YWHAB: variants seen among roughly 807,000 people sequenced by gnomAD.
YWHAB encodes 14-3-3 protein beta/alpha.
Under a neutral mutation model 28.5 loss-of-function variants are expected in YWHAB, and 2 were observed. That is an observed-to-expected ratio of 0.07 (90% confidence interval 0.03 to 0.22). YWHAB has a LOEUF of 0.22. Among genes scored for constraint, YWHAB ranks in the 10% least tolerant of loss-of-function variants. The pLI is 1.00. For synonymous variants in YWHAB, 103 were observed against 104.7 expected, an observed-to-expected ratio of 0.98 and a Z score of 0.10; for missense variants, 148 against 297.1, an observed-to-expected ratio of 0.50 and a Z score of 3.69.
At position 44,906,717 on chromosome 20, in the gene YWHAB, G is replaced by A. The variant is rs2066660023; in HGVS notation, c.*279G>A. 4.3e-6 allele frequency: 1 copy of A among 230,730 alleles called. No homozygotes were observed. The highest frequency in any genetic ancestry group is 8.6e-6 in the Non-Finnish European group (1 of 116,310). 14.3% of individuals were successfully genotyped at this position (230,730 alleles called of 1,614,324 possible). On this transcript the variant is annotated 3_prime_UTR_variant, in exon 6 of 6. Coordinates refer to ENST00000353703, the MANE Select transcript of YWHAB (RefSeq NM_139323.4). ...TAATTTTTTAAAAACTGAACACTGT[G>A]ATTATGGGGTTTTGTAATTTAGCAG...
At chr20:44,891,314 C>T (rs535562419) in intron 1 of YWHAB, among the ~76,000 whole-genome samples, 1 of 152,208 alleles carries the variant, frequency 6.6e-6, no homozygotes, top group South Asian at 2.1e-4. Flanking sequence ...CCATGTTGGC[C>T]AGGCTGGTCT....
At chr20:44,892,910 C>T (rs2066571422) in intron 1 of YWHAB, among the ~76,000 whole-genome samples, 1 of 152,066 alleles carries the variant, frequency 6.6e-6, no homozygotes, top group African/African-American at 2.4e-5. Context: ...ATAATGGAGT[C>T]TTCATCTGAA....
In YWHAB at chr20:44,906,141, C is replaced by G; in HGVS notation, c.684+45C>G. 5 of 1,445,768 alleles carry G rather than the reference C, an allele frequency of 3.5e-6. No homozygotes were observed. In the South Asian group the frequency reaches 5.9e-5, roughly 17 times the overall value. 89.6% of individuals were successfully genotyped at this position (1,445,768 alleles called of 1,614,324 possible). ...GGTTTATAGTCTCTTTCCTATTCAC[C>G]TACTTAATAATTCACTGTTATCTTC... On this transcript the variant is annotated intron_variant, in intron 5 of 5. Transcript: ENST00000353703.
At chr20:44,891,414 C>T (rs1292426411) in intron 1 of YWHAB, among the ~76,000 whole-genome samples, 1 of 152,156 alleles carries the variant, frequency 6.6e-6, no homozygotes, top group Non-Finnish European at 1.5e-5. Flanking sequence ...CCAGATTTGC[C>T]TGTATTATGG....
chr20:44,888,124 C>T (rs995159028), intron 1 of YWHAB, among the ~76,000 whole-genome samples: 13 of 152,176 alleles, frequency 8.5e-5, no homozygotes, highest in African/African-American at 2.7e-4. Context: ...TGAAAATAAG[C>T]ATCTGGGATA....
At chr20:44,890,957 G>C (rs1255015482) in intron 1 of YWHAB, among the ~76,000 whole-genome samples, 5 of 152,188 alleles carry the variant, frequency 3.3e-5, no homozygotes, top group Admixed American at 6.5e-5. Flanking sequence ...AGCAGAGTAC[G>C]TGTAAAATAA....
intron 2 of YWHAB, 57 bp downstream of exon 2, chr20:44,901,890 G>A: frequency 6.6e-7 from 1 of 1,505,492 alleles, no homozygotes; most frequent in African/African-American, 1.4e-5. Context: ...TTAATTTAAT[G>A]TATAAATGCA....
At chr20:44,906,147 A>G in intron 5 of YWHAB, 51 bp downstream of exon 5, 1 of 1,412,316 alleles carries the variant, frequency 7.1e-7, no homozygotes, top group Non-Finnish European at 9.9e-7. Context: ...TCACCTACTT[A>G]ATAATTCACT....
chr20:44,900,022 A>G (rs1205808453), intron 1 of YWHAB, among the ~76,000 whole-genome samples: 1 of 151,816 alleles, frequency 6.6e-6, no homozygotes, highest in East Asian at 1.9e-4. Context: ...TCCTCATAAC[A>G]GGCCCACTAA....
chr20:44,888,842 T>G lies in YWHAB; in HGVS notation c.-4+2956T>G, dbSNP rs2066543464. Among the ~76,000 whole-genome samples the G allele has an allele frequency of 2.6e-5, 4 of 152,230 alleles. No individual in the cohort carries two copies. The South Asian group carries it at 8.3e-4, about 32-fold the overall frequency. The stretch of plus-strand genomic sequence containing the variant: ...AGGTTCTTCATCTAATAGAATTTGA[T>G]TGTGACCATTAATTTTTGTTTATCT... On this transcript the variant is annotated intron_variant, in intron 1 of 5. Transcript: ENST00000353703.
At chr20:44,905,843 C>A in intron 4 of YWHAB, 158 bp from the exon 5 acceptor site, 3 of 595,910 alleles carry the variant, frequency 5.0e-6, no homozygotes, top group East Asian at 2.6e-5. Context: ...ATGCCTTATA[C>A]TTCTGCTGGA....
chr20:44,904,506 C>A (rs1263637264), intron 3 of YWHAB, among the ~76,000 whole-genome samples: 3 of 152,174 alleles, frequency 2.0e-5, no homozygotes, highest in Admixed American at 1.3e-4. Context: ...GTGCCAAGTA[C>A]TTCCGAGTCT....
intron 2 of YWHAB, 39 bp from the exon 3 acceptor site, chr20:44,903,954 G>T (rs199806929): frequency 6.3e-7 from 1 of 1,579,910 alleles, no homozygotes; most frequent in Non-Finnish European, 8.6e-7. Flanking sequence ...TTAACATCTC[G>T]TGAATAATTC....
chr20:44,901,875 TA>T lies in YWHAB; in HGVS notation c.300+43del, dbSNP rs759962487. 5.4e-5 allele frequency: 83 copies of T among 1,534,404 alleles called. 1 individual carries two copies. In the African/African-American group the frequency reaches 1.0e-3, roughly 19 times the overall value. On this transcript the variant is annotated intron_variant, in intron 2 of 5. Coordinates refer to ENST00000353703, the MANE Select transcript of YWHAB (RefSeq NM_139323.4). ...TCTGTTTTGAACAGTGGTTTCTAAA[TA>T]GTATTAATTTAATGTATAAATGCAG...
Position 44,905,007 on chromosome 20 carries a change from T to C in YWHAB, c.464T>C (p.Phe155Ser). Residue 155 changes from phenylalanine (F) to serine (S), a missense_variant, in exon 4 of 6, where the codon TTT becomes TCT. Transcript: ENST00000353703. The stretch of plus-strand genomic sequence containing the variant: ...TCCCAGCAGGCTTACCAGGAAGCAT[T>C]TGAAATTAGTAAGAAAGAAATGCAG... ...SNSQQAYQEAFEISKKEMQPT... is the reference protein window; with the variant it reads ...SNSQQAYQEASEISKKEMQPT... 6.2e-7 allele frequency: 1 copy of C among 1,610,800 alleles called. No homozygotes were observed.
chr20:44,888,052 G>A lies in YWHAB; in HGVS notation c.-4+2166G>A, dbSNP rs527838732. ...TCCAGTCTTTCTGAATCATTTTCTC[G>A]TCTATATAGCACAAATGGTAATGCA... On this transcript the variant is annotated intron_variant, in intron 1 of 5. Transcript: ENST00000353703. Among the ~76,000 whole-genome samples the A allele has an allele frequency of 2.2e-4, 34 of 152,104 alleles. No homozygotes were observed. In the South Asian group the frequency reaches 2.3e-3, roughly 10 times the overall value.
intron 3 of YWHAB, 90 bp from the exon 4 acceptor site, chr20:44,904,878 T>A (rs1033857425): frequency 7.4e-7 from 1 of 1,351,310 alleles, no homozygotes; most frequent in African/African-American, 1.5e-5. Flanking sequence ...CCTGCCCAGT[T>A]TGGGACTGAG....
At chr20:44,905,284 G>A in intron 4 of YWHAB, 153 bp downstream of exon 4, 1 of 641,338 alleles carries the variant, frequency 1.6e-6, no homozygotes, top group Non-Finnish European at 2.4e-6. Context: ...ATACAGATCT[G>A]TTACTTTTTT....
Position 44,906,013 on chromosome 20 carries a change from G to A in YWHAB, c.601G>A (p.Ala201Thr). The A allele has an allele frequency of 6.2e-7, 1 of 1,612,876 alleles. No individual in the cohort carries two copies. The highest frequency in any genetic ancestry group is 8.5e-7 in the Non-Finnish European group (1 of 1,179,260). Residue 201 changes from alanine (A) to threonine (T), a missense_variant, in exon 5 of 6, where the codon GCA (alanine) becomes ACA (threonine). Physicochemically the swap from Ala to Thr is moderately conservative, Grantham distance 58 (BLOSUM62 0). This residue lies in a region of YWHAB where 38 missense variants were observed against 119.2 expected (regional missense o/e 0.32). Coordinates refer to ENST00000353703, the MANE Select transcript of YWHAB (RefSeq NM_139323.4). Reference sequence around the variant, plus strand: ...CTCTTTGTTTTAGGCATTTGATGAAGCAATTGCTGAATTGGATACGCTGAA... The same window carrying A: ...CTCTTTGTTTTAGGCATTTGATGAAACAATTGCTGAATTGGATACGCTGAA... Reference protein sequence around the residue: ...CSLAKTAFDEAIAELDTLNEE... With the variant: ...CSLAKTAFDETIAELDTLNEE...
Sources: gnomAD v4.1 joint callset for allele counts (sites outside exome capture counted in the v4.1 genomes callset) on GRCh38, gnomAD v4.1.1 for gene constraint, gnomAD v4.1.1 regional missense constraint, MANE v1.5 for transcripts, NCBI Gene and HGNC (gene_info 2026-07-23, HGNC 2026-07-21) for gene names.